Variants in KRTAP5-9 observed in about 807,000 individuals in gnomAD.
KRTAP5-9 encodes keratin associated protein 5-9.
A neutral mutation model predicts 3.0 loss-of-function variants in KRTAP5-9; 2 were observed. That is an observed-to-expected ratio of 0.67 (90% confidence interval 0.27 to 2.09). The LOEUF (loss-of-function observed/expected upper bound fraction) is 2.09, where lower values mean the gene tolerates loss of function less well. Ranked by LOEUF, KRTAP5-9 falls within the 30% of genes most tolerant of loss-of-function variation. The pLI is 0.14. For missense variants in KRTAP5-9, 183 were observed against 204.2 expected (o/e 0.90, Z 0.63); for synonymous variants, 70 against 81.2 (o/e 0.86, Z 0.74).
Position 71,548,697 on chromosome 11 carries a change from T to C in KRTAP5-9, c.40T>C (p.Cys14Arg), listed in dbSNP as rs1453130325. 6.2e-7 allele frequency: 1 copy of C among 1,612,538 alleles called. No individual in the cohort carries two copies. Among genetic ancestry groups the C allele is most frequent in the South Asian group, 1.1e-5 (1 of 90,964 alleles). ...CGCSGGCGSS[C>R]GGCDSSCGSC... ...CTGCTCCGGAGGCTGTGGCTCCAGC[T>C]GTGGAGGCTGTGACTCCAGCTGTGG... is the stretch of plus-strand genomic sequence containing the variant. The change falls in exon 1 of 1, where the codon TGT becomes CGT. Residue 14 changes from cysteine (C) to arginine (R), a missense_variant. Physicochemically the swap from Cys to Arg is radical, Grantham distance 180. Transcript: ENST00000528743.
chr11:71,549,311 C>A lies in KRTAP5-9; in HGVS notation c.*144C>A, dbSNP rs1950112057. The A allele has an allele frequency of 1.7e-6, 2 of 1,165,142 alleles. No individual in the cohort carries two copies. The highest frequency in any genetic ancestry group is 3.0e-5 in the South Asian group (2 of 67,028). The allele number at this position is 1,165,142 out of a possible 1,614,324, so 72.2% of individuals were successfully genotyped here. Reference sequence around the variant, plus strand: ...CCAGCCCCTGAGGAAATGGAATGAACCACTCCCTGCCCATTCCCTATAAGA... The same window carrying A: ...CCAGCCCCTGAGGAAATGGAATGAAACACTCCCTGCCCATTCCCTATAAGA... On this transcript the variant is annotated 3_prime_UTR_variant, in exon 1 of 1. Coordinates refer to ENST00000528743, the MANE Select transcript of KRTAP5-9 (RefSeq NM_005553.4).
Position 71,549,325 on chromosome 11 carries a change from T to C in KRTAP5-9, c.*158T>C. 2 of 1,092,316 alleles carry C rather than the reference T, an allele frequency of 1.8e-6. No individual in the cohort carries two copies. The highest frequency in any genetic ancestry group is 2.6e-5 in the East Asian group (1 of 39,114). 67.7% of individuals were successfully genotyped at this position (1,092,316 alleles called of 1,614,324 possible). A position where few individuals can be genotyped will look rare whatever the true frequency, so the allele number is the denominator to read the frequency against. On this transcript the variant is annotated 3_prime_UTR_variant, in exon 1 of 1. Coordinates refer to ENST00000528743, the MANE Select transcript of KRTAP5-9 (RefSeq NM_005553.4). The stretch of plus-strand genomic sequence containing the variant: ...AATGGAATGAACCACTCCCTGCCCA[T>C]TCCCTATAAGAATATCCCAAGACCC...
rs1950113086 is a variant in KRTAP5-9 at position 71,549,472 on chromosome 11, C to A, written c.*305C>A. On this transcript the variant is annotated 3_prime_UTR_variant, in exon 1 of 1. Transcript: ENST00000528743. ...TTCTTGATAATTCCATGGGAGACAG[C>A]AAACCCTTCTTTCCTTTGCCTGCCA... The A allele has an allele frequency of 1.9e-6, 1 of 518,628 alleles. No homozygotes were observed. 32.1% of individuals were successfully genotyped at this position (518,628 alleles called of 1,614,324 possible).
Position 71,548,917 on chromosome 11 carries a change from G to A in KRTAP5-9, c.260G>A (p.Cys87Tyr), listed in dbSNP as rs186626363. The A allele has an allele frequency of 2.0e-5, 33 of 1,613,372 alleles. No homozygotes were observed. The African/African-American group carries it at 4.3e-4, about 21-fold the overall frequency. Residue 87 changes from cysteine to tyrosine, a missense_variant, in exon 1 of 1, where the codon TGT becomes TAT. Physicochemically the swap from Cys to Tyr is radical, Grantham distance 194 (BLOSUM62 -2). Transcript: ENST00000528743. ...CSQCSCCKPCCCSSGCGSSCC... is the reference protein window; with the variant it reads ...CSQCSCCKPCYCSSGCGSSCC... ...CAGTGCAGTTGCTGCAAGCCCTGCT[G>A]TTGCTCTTCAGGCTGTGGGTCATCC...
Position 71,548,627 on chromosome 11 carries a change from C to G in KRTAP5-9, c.-31C>G. On this transcript the variant is annotated 5_prime_UTR_variant, in exon 1 of 1. Coordinates refer to ENST00000528743, the MANE Select transcript of KRTAP5-9 (RefSeq NM_005553.4). ...CTGCACCTCCTTCTCACCTGCTCCT[C>G]TACCTGCTCCACCCTCAATCCACCA... 1 of 1,594,400 alleles carries G rather than the reference C, an allele frequency of 6.3e-7. No homozygotes were observed. The highest frequency in any genetic ancestry group is 1.2e-5 in the South Asian group (1 of 86,382).
At position 71,548,880 on chromosome 11, in the gene KRTAP5-9, T is replaced by C; in HGVS notation, c.223T>C (p.Cys75Arg). ...GGGCTCCAAGGGAGGCTGTGGTTCT[T>C]GTGGCTGCTCCCAGTGCAGTTGCTG... The part of the protein sequence containing the change: ...CGGSKGGCGS[C>R]GCSQCSCCKP... Residue 75 changes from cysteine (C) to arginine (R), a missense_variant, in exon 1 of 1, where the codon TGT (cysteine) becomes CGT (arginine). Cys to Arg is a radical substitution (Grantham distance 180). Coordinates refer to ENST00000528743, the MANE Select transcript of KRTAP5-9 (RefSeq NM_005553.4). 6.2e-7 allele frequency: 1 copy of C among 1,614,164 alleles called. No individual in the cohort carries two copies. Among genetic ancestry groups the C allele is most frequent in the Non-Finnish European group, 8.5e-7 (1 of 1,180,014 alleles).
Position 71,548,622 on chromosome 11 carries a change from C to T in KRTAP5-9, c.-36C>T, listed in dbSNP as rs148620622. ...CACACCTGCACCTCCTTCTCACCTG[C>T]TCCTCTACCTGCTCCACCCTCAATC... On this transcript the variant is annotated 5_prime_UTR_variant, in exon 1 of 1. Coordinates refer to ENST00000528743, the MANE Select transcript of KRTAP5-9 (RefSeq NM_005553.4). 423 of 1,591,048 alleles carry T rather than the reference C, an allele frequency of 2.7e-4. 2 individuals are homozygous for T. In the African/African-American group the frequency reaches 5.1e-3, roughly 19 times the overall value.
Position 71,549,538 on chromosome 11 carries a change from A to G in KRTAP5-9, c.*371A>G. 2.7e-6 allele frequency: 1 copy of G among 367,876 alleles called. No individual in the cohort carries two copies. The highest frequency in any genetic ancestry group is 5.2e-6 in the Non-Finnish European group (1 of 190,994). 22.8% of individuals were successfully genotyped at this position (367,876 alleles called of 1,614,324 possible). A position where few individuals can be genotyped will look rare whatever the true frequency, so the allele number is the denominator to read the frequency against. On this transcript the variant is annotated 3_prime_UTR_variant, in exon 1 of 1. Transcript: ENST00000528743. Reference sequence around the variant, plus strand: ...TTGCAGATGGATGTCCTGCAACCCAAATGATCACATGTATCTATGGAAATC... The same window carrying G: ...TTGCAGATGGATGTCCTGCAACCCAGATGATCACATGTATCTATGGAAATC...
Position 71,549,596 on chromosome 11 carries a change from T to G in KRTAP5-9, c.*429T>G. 8.4e-6 allele frequency: 2 copies of G among 238,686 alleles called. No individual in the cohort carries two copies. The highest frequency in any genetic ancestry group is 1.8e-5 in the Non-Finnish European group (2 of 113,326). The allele number at this position is 238,686 out of a possible 1,614,324, so 14.8% of individuals were successfully genotyped here. A position where few individuals can be genotyped will look rare whatever the true frequency, so the allele number is the denominator to read the frequency against. Reference sequence around the variant, plus strand: ...CATCTGGGTGCAGCACTAAATAAATTCTCCATCCCTCAGCCTTGGTCTCAC... The same window carrying G: ...CATCTGGGTGCAGCACTAAATAAATGCTCCATCCCTCAGCCTTGGTCTCAC... On this transcript the variant is annotated 3_prime_UTR_variant, in exon 1 of 1. Coordinates refer to ENST00000528743, the MANE Select transcript of KRTAP5-9 (RefSeq NM_005553.4).
chr11:71,549,384 A>G lies in KRTAP5-9; in HGVS notation c.*217A>G. On this transcript the variant is annotated 3_prime_UTR_variant, in exon 1 of 1. Coordinates refer to ENST00000528743, the MANE Select transcript of KRTAP5-9 (RefSeq NM_005553.4). ...TTGCCCCTCTTTCCCACATGCCCCC[A>G]TATGTCTGAGCCAAACTGCACTGGG... The G allele has an allele frequency of 2.9e-6, 2 of 701,204 alleles. No homozygotes were observed. Among genetic ancestry groups the G allele is most frequent in the Middle Eastern group, 4.1e-4 (1 of 2,464 alleles). 43.4% of individuals were successfully genotyped at this position (701,204 alleles called of 1,614,324 possible). A position where few individuals can be genotyped will look rare whatever the true frequency, so the allele number is the denominator to read the frequency against.
chr11:71,548,700 G>A lies in KRTAP5-9; in HGVS notation c.43G>A (p.Gly15Arg), dbSNP rs1196427173. The part of the protein sequence containing the change: ...GCSGGCGSSC[G>R]GCDSSCGSCG... ...CTCCGGAGGCTGTGGCTCCAGCTGT[G>A]GAGGCTGTGACTCCAGCTGTGGGAG... Residue 15 changes from glycine to arginine, a missense_variant, in exon 1 of 1, where the codon GGA becomes AGA. Transcript: ENST00000528743. The A allele has an allele frequency of 1.2e-6, 2 of 1,612,596 alleles. No homozygotes were observed. Among genetic ancestry groups the A allele is most frequent in the Non-Finnish European group, 1.7e-6 (2 of 1,179,824 alleles).
At position 71,548,501 on chromosome 11, in the gene KRTAP5-9, C is replaced by T; in HGVS notation, c.-157C>T. The stretch of plus-strand genomic sequence containing the variant: ...ATCAACATAGCCAAAGAAAAACAAT[C>T]AAGACATACCTCCAGGAGCTGTGTA... On this transcript the variant is annotated 5_prime_UTR_variant, in exon 1 of 1. Transcript: ENST00000528743. 1 of 1,411,408 alleles carries T rather than the reference C, an allele frequency of 7.1e-7. No individual in the cohort carries two copies. Among genetic ancestry groups the T allele is most frequent in the Non-Finnish European group, 9.6e-7 (1 of 1,043,044 alleles). The allele number at this position is 1,411,408 out of a possible 1,614,324, so 87.4% of individuals were successfully genotyped here.
Position 71,548,718 on chromosome 11 carries a change from T to C in KRTAP5-9, c.61T>C (p.Cys21Arg). ...CAGCTGTGGAGGCTGTGACTCCAGC[T>C]GTGGGAGCTGTGGCTCTGGCTGCAG... ...GSSCGGCDSS[C>R]GSCGSGCRGC... The change falls in exon 1 of 1, where the codon TGT becomes CGT. Residue 21 changes from cysteine to arginine, a missense_variant. Transcript: ENST00000528743. 2.5e-6 allele frequency: 4 copies of C among 1,613,012 alleles called. No individual in the cohort carries two copies. Among genetic ancestry groups the C allele is most frequent in the Non-Finnish European group, 3.4e-6 (4 of 1,180,000 alleles).
rs1950112600 is a variant in KRTAP5-9, at chr11:71,549,461, A to G, written c.*294A>G. On this transcript the variant is annotated 3_prime_UTR_variant, in exon 1 of 1. Coordinates refer to ENST00000528743, the MANE Select transcript of KRTAP5-9 (RefSeq NM_005553.4). ...TGGAATTCCCCTTCTTGATAATTCCATGGGAGACAGCAAACCCTTCTTTCC... is the reference window on the plus strand; with the variant it reads ...TGGAATTCCCCTTCTTGATAATTCCGTGGGAGACAGCAAACCCTTCTTTCC... The G allele has an allele frequency of 1.8e-6, 1 of 544,306 alleles. No homozygotes were observed. The highest frequency in any genetic ancestry group is 1.9e-5 in the African/African-American group (1 of 52,922). The allele number at this position is 544,306 out of a possible 1,614,324, so 33.7% of individuals were successfully genotyped here.
chr11:71,548,535 C>T lies in KRTAP5-9; in HGVS notation c.-123C>T, dbSNP rs1043287502. On this transcript the variant is annotated 5_prime_UTR_variant, in exon 1 of 1. Transcript: ENST00000528743. Reference sequence around the variant, plus strand: ...CCTCCAGGAGCTGTGTAACAGCAACCGGAAAGAGAAACAATGGTGTGTTCC... The same window carrying T: ...CCTCCAGGAGCTGTGTAACAGCAACTGGAAAGAGAAACAATGGTGTGTTCC... The T allele has an allele frequency of 8.2e-5, 124 of 1,514,642 alleles. No homozygotes were observed. The highest frequency in any genetic ancestry group is 3.1e-4 in the South Asian group (23 of 75,126). The allele number at this position is 1,514,642 out of a possible 1,614,324, so 93.8% of individuals were successfully genotyped here.
Position 71,548,788 on chromosome 11 carries a change from C to T in KRTAP5-9, c.131C>T (p.Pro44Leu). 1 of 1,613,472 alleles carries T rather than the reference C, an allele frequency of 6.2e-7. No homozygotes were observed. Among genetic ancestry groups the T allele is most frequent in the African/African-American group, 1.3e-5 (1 of 75,002 alleles). Residue 44 changes from proline to leucine, a missense_variant, in exon 1 of 1, where the codon CCC (proline) becomes CTC (leucine). By Grantham distance (98) the Pro-to-Leu change is moderately conservative. Coordinates refer to ENST00000528743, the MANE Select transcript of KRTAP5-9 (RefSeq NM_005553.4). ...TGTGCACCCGTCTACTGCTGCAAGC[C>T]CGTGTGCTGCTGTGTTCCAGCCTGT... ...SCCAPVYCCK[P>L]VCCCVPACSC... is the part of the protein sequence containing the mutation.
rs751226463 is a variant in KRTAP5-9 at position 71,548,723 on chromosome 11, G to A, written c.66G>A (p.Gly22=). The change falls in exon 1 of 1, where the codon GGG becomes GGA. Residue 22 remains glycine, a synonymous_variant. Transcript: ENST00000528743. ...SSCGGCDSSC[G]SCGSGCRGCG... ...GTGGAGGCTGTGACTCCAGCTGTGG[G>A]AGCTGTGGCTCTGGCTGCAGGGGCT... The A allele has an allele frequency of 2.5e-5, 40 of 1,612,866 alleles. No homozygotes were observed. Among genetic ancestry groups the A allele is most frequent in the Non-Finnish European group, 3.1e-5 (37 of 1,179,936 alleles).
rs1950112070 is a variant in KRTAP5-9, at chr11:71,549,312, C to T, written c.*145C>T. On this transcript the variant is annotated 3_prime_UTR_variant, in exon 1 of 1. Coordinates refer to ENST00000528743, the MANE Select transcript of KRTAP5-9 (RefSeq NM_005553.4). Reference sequence around the variant, plus strand: ...CAGCCCCTGAGGAAATGGAATGAACCACTCCCTGCCCATTCCCTATAAGAA... The same window carrying T: ...CAGCCCCTGAGGAAATGGAATGAACTACTCCCTGCCCATTCCCTATAAGAA... 1 of 1,163,620 alleles carries T rather than the reference C, an allele frequency of 8.6e-7. No homozygotes were observed. The highest frequency in any genetic ancestry group is 2.4e-5 in the Admixed American group (1 of 41,616). 72.1% of individuals were successfully genotyped at this position (1,163,620 alleles called of 1,614,324 possible).
chr11:71,548,750 T>C lies in KRTAP5-9; in HGVS notation c.93T>C (p.Cys31=). 6.2e-7 allele frequency: 1 copy of C among 1,612,860 alleles called. No homozygotes were observed. Among genetic ancestry groups the C allele is most frequent in the Non-Finnish European group, 8.5e-7 (1 of 1,179,678 alleles). The part of the protein sequence containing the change: ...CGSCGSGCRG[C]GPSCCAPVYC... ...GCTGTGGCTCTGGCTGCAGGGGCTG[T>C]GGCCCCAGCTGCTGTGCACCCGTCT... is the stretch of plus-strand genomic sequence containing the variant. The change falls in exon 1 of 1, where the codon TGT becomes TGC. Residue 31 remains cysteine (C), a synonymous_variant. Coordinates refer to ENST00000528743, the MANE Select transcript of KRTAP5-9 (RefSeq NM_005553.4).
Sources: allele counts gnomAD v4.1 joint callset, GRCh38; gene constraint gnomAD v4.1.1; transcripts MANE v1.5; gene names NCBI Gene and HGNC (gene_info 2026-07-23, HGNC 2026-07-21).